Variants in UBR4 observed in about 807,000 individuals in gnomAD.
UBR4 encodes E3 ubiquitin-protein ligase UBR4.
In UBR4, 124 loss-of-function variants were observed where a neutral mutation model predicts 575.6. That is an observed-to-expected ratio of 0.22 (90% CI 0.19 to 0.25). The LOEUF is 0.25. Among genes scored for constraint, UBR4 ranks in the 10% least tolerant of loss-of-function variants. The probability of loss-of-function intolerance (pLI) is 1.00; values close to 1 mark genes in which losing one functional copy is unlikely to be tolerated. For synonymous variants in UBR4, 2,455 were observed against 2,473.7 expected, an observed-to-expected ratio of 0.99 and a Z score of 0.22; for missense variants, 4,818 against 6,478.8, an observed-to-expected ratio of 0.74 and a Z score of 8.80.
chr1:19,170,927 C>G (rs750693338), intron 25 of UBR4, 44 bp from the exon 26 acceptor site: 2 of 1,613,314 alleles, frequency 1.2e-6, no homozygotes, highest in Non-Finnish European at 1.7e-6. Flanking sequence ...AGATTCTAAT[C>G]CCACCAGTTA....
At chr1:19,190,743 G>A (rs552581688) in intron 11 of UBR4, among the ~76,000 whole-genome samples, 47 of 152,006 alleles carry the variant, frequency 3.1e-4, no homozygotes, top group East Asian at 7.7e-4. Flanking sequence ...ATTTCAATTC[G>A]GCCTCTTTTC....
At chr1:19,085,174 G>A (rs1307284861) in intron 101 of UBR4, among the ~76,000 whole-genome samples, 2 of 152,144 alleles carry the variant, frequency 1.3e-5, no homozygotes, top group Non-Finnish European at 2.9e-5. Context: ...TATTAACTGG[G>A]TGACCTCGAG....
rs1453184154 is a variant in UBR4 at position 19,081,565 on chromosome 1, G to T, written c.15017C>A (p.Ala5006Glu). Residue 5006 changes from alanine (A) to glutamate (E), a missense_variant, in exon 103 of 106, where the codon GCA becomes GAA. Physicochemically the swap from Ala to Glu is moderately radical, Grantham distance 107. Around this residue, in one of 29 missense-constraint regions of UBR4, gnomAD observed 196 missense variants for 386.8 expected, o/e 0.51. Coordinates refer to ENST00000375254, the MANE Select transcript of UBR4 (RefSeq NM_020765.3). ...TVLYVLNTTR[A>E]TSREEKNLQG... ...GAGGTTCTTCTCTTCTCGGGAAGTT[G>T]CTCGGGTTCTAGAAGAAAAGCGGCA... 4 of 1,614,070 alleles carry T rather than the reference G, an allele frequency of 2.5e-6. No homozygotes were observed. Among genetic ancestry groups the T allele is most frequent in the Non-Finnish European group, 3.4e-6 (4 of 1,180,030 alleles).
chr1:19,160,320 A>G (rs2087127432), intron 38 of UBR4, 39 bp from the exon 39 acceptor site: 1 of 1,509,368 alleles, frequency 6.6e-7, no homozygotes, highest in African/African-American at 1.4e-5. Context: ...GAAAAAAAAA[A>G]AAAAGAAAAA....
chr1:19,141,005 T>C, intron 57 of UBR4, 113 bp from the exon 58 acceptor site: 1 of 1,148,160 alleles, frequency 8.7e-7, no homozygotes, highest in Non-Finnish European at 1.2e-6. Context: ...TGACCCCCTC[T>C]GGCCTAGAGG....
At chr1:19,113,644 C>G in intron 77 of UBR4, 55 bp downstream of exon 77, 1 of 1,603,322 alleles carries the variant, frequency 6.2e-7, no homozygotes, top group Non-Finnish European at 8.5e-7. Flanking sequence ...GCTGTGAAAA[C>G]AACACCAGTA....
intron 81 of UBR4, among the ~76,000 whole-genome samples, chr1:19,109,616 T>C (rs2079615756): frequency 3.3e-5 from 5 of 152,260 alleles, no homozygotes; most frequent in Admixed American, 3.3e-4. Flanking sequence ...TCATTTATTT[T>C]TCACAACACT....
At chr1:19,134,912 G>A (rs537570644) in intron 60 of UBR4, among the ~76,000 whole-genome samples, 1 of 152,270 alleles carries the variant, frequency 6.6e-6, no homozygotes, top group African/African-American at 2.4e-5. Context: ...ACTGAGAAGA[G>A]GGGAGGAGAA....
At chr1:19,087,193 A>C (rs868744652) in intron 99 of UBR4, among the ~76,000 whole-genome samples, 84 of 152,354 alleles carry the variant, frequency 5.5e-4, no homozygotes, top group African/African-American at 1.8e-3. Context: ...AGCTCTGAAG[A>C]GCCTGCATTA....
intron 25 of UBR4, 127 bp downstream of exon 25, chr1:19,172,737 A>C: frequency 1.1e-6 from 1 of 873,016 alleles, no homozygotes; most frequent in Non-Finnish European, 1.8e-6. Flanking sequence ...CTAGAGAAGA[A>C]AGCATTATAC....
rs2148914828 is a variant in UBR4 at position 19,094,912 on chromosome 1, C to G, written c.13740G>C (p.Glu4580Asp). 6.2e-7 allele frequency: 1 copy of G among 1,613,590 alleles called. No individual in the cohort carries two copies. Among genetic ancestry groups the G allele is most frequent in the Non-Finnish European group, 8.5e-7 (1 of 1,180,000 alleles). Reference sequence around the variant, plus strand: ...GGGGCCGAGCCCCACTCACCTTGTCCTCACTCAGGGGCTCAGCATTGGACT... The same window carrying G: ...GGGGCCGAGCCCCACTCACCTTGTCGTCACTCAGGGGCTCAGCATTGGACT... ...LDESNAEPLS[E>D]DKGNLLLTGD... is the part of the protein sequence containing the mutation. The change falls in exon 94 of 106, where the codon GAG becomes GAC. Residue 4580 changes from glutamate to aspartate, a missense_variant. Around this residue, in one of 29 missense-constraint regions of UBR4, gnomAD observed 165 missense variants for 282.3 expected, o/e 0.58. Transcript: ENST00000375254.
At chr1:19,123,947 T>A (rs901561545) in intron 65 of UBR4, among the ~76,000 whole-genome samples, 1 of 152,202 alleles carries the variant, frequency 6.6e-6, no homozygotes, top group African/African-American at 2.4e-5. Context: ...GCTGGCTCCC[T>A]CTTAGGTTCT....
rs914497341 is a variant in UBR4, at chr1:19,074,640, T to C, written c.*192A>G. On this transcript the variant is annotated 3_prime_UTR_variant, in exon 106 of 106. Coordinates refer to ENST00000375254, the MANE Select transcript of UBR4 (RefSeq NM_020765.3). ...ATGGCTTGGGTTACAGACAACCTCA[T>C]AGCTGGTGCACCACACACACGAGAT... 1.6e-5 allele frequency: 10 copies of C among 644,876 alleles called. No homozygotes were observed. The highest frequency in any genetic ancestry group is 3.6e-5 in the African/African-American group (2 of 54,856). The allele number at this position is 644,876 out of a possible 1,614,324, so 39.9% of individuals were successfully genotyped here.
At chr1:19,178,783 G>T (rs551013598) in intron 18 of UBR4, among the ~76,000 whole-genome samples, 46 of 152,268 alleles carry the variant, frequency 3.0e-4, no homozygotes, top group Admixed American at 2.8e-3. Context: ...AAGCAGGTCA[G>T]GATAAAATTG....
intron 90 of UBR4, among the ~76,000 whole-genome samples, chr1:19,099,241 C>A (rs2078371820): frequency 6.6e-6 from 1 of 152,196 alleles, no homozygotes; most frequent in South Asian, 2.1e-4. Flanking sequence ...GAGAACTAAT[C>A]TCAGCTGAGA....
chr1:19,119,510 G>T (rs1275651235), intron 70 of UBR4, 47 bp downstream of exon 70: 1 of 1,590,770 alleles, frequency 6.3e-7, no homozygotes, highest in East Asian at 2.3e-5. Context: ...AGAGAAAAAA[G>T]GTTAAATATG....
At chr1:19,077,207 G>A (rs1258308237) in intron 104 of UBR4, among the ~76,000 whole-genome samples, 1 of 152,142 alleles carries the variant, frequency 6.6e-6, no homozygotes, top group Admixed American at 6.5e-5. Flanking sequence ...TTGTCAATGT[G>A]CTTCCATGAG....
chr1:19,137,750 T>G (rs181606369), intron 60 of UBR4, among the ~76,000 whole-genome samples: 155 of 152,316 alleles, frequency 1.0e-3, no homozygotes, highest in African/African-American at 3.7e-3. Flanking sequence ...ACAATCACTT[T>G]ACAGTTACTA....
At position 19,139,726 on chromosome 1, in the gene UBR4, G is replaced by T. The variant is rs180908839; in HGVS notation, c.8594-506C>A. Among the ~76,000 whole-genome samples the T allele has an allele frequency of 3.2e-4, 48 of 152,320 alleles. 1 individual carries two copies. The East Asian group carries it at 8.5e-3, about 27-fold the overall frequency. ...TATGTTAGGAAATCACTTAGCATGA[G>T]CTCTTGAATCAACCCTGTTTTGGTT... is the stretch of plus-strand genomic sequence containing the variant. On this transcript the variant is annotated intron_variant, in intron 58 of 105. Transcript: ENST00000375254. This position sits in a 1 kb window ranked among gnomAD's most constrained non-coding sequence, Gnocchi z 4.2.
Sources: gnomAD v4.1 joint callset for allele counts (sites outside exome capture counted in the v4.1 genomes callset) on GRCh38, gnomAD v4.1.1 for gene constraint, gnomAD v4.1.1 regional missense constraint, Gnocchi (gnomAD v3.1) non-coding constraint, MANE v1.5 for transcripts, NCBI Gene and HGNC (gene_info 2026-07-23, HGNC 2026-07-21) for gene names.